The following MACF1 variants were observed in gnomAD, a reference collection of about 807,000 sequenced individuals.
MACF1 encodes the protein microtubule actin crosslinking factor 1.
MACF1 carries 193 observed loss-of-function variants against 854.8 expected under a neutral mutation model. That is an observed-to-expected ratio of 0.23 (90% confidence interval 0.20 to 0.25). MACF1 has a LOEUF of 0.25. Among genes scored for constraint, MACF1 ranks in the 10% least tolerant of loss-of-function variants. MACF1 has a pLI of 1.00. For missense variants in MACF1, 7,722 were observed against 8,929.1 expected (o/e 0.86, Z 5.45); for synonymous variants, 3,185 against 3,226.7 (o/e 0.99, Z 0.44).
At chr1:39,245,872 T>A (rs915856819) in intron 2 of MACF1, among the ~76,000 whole-genome samples, 1 of 152,232 alleles carries the variant, frequency 6.6e-6, no homozygotes, top group African/African-American at 2.4e-5. Context: ...ATGTCAAGTA[T>A]GTAATATTTT....
rs139578945 is a variant in MACF1 at position 39,225,217 on chromosome 1, C to CT, written c.110-5955dup. Among the ~76,000 whole-genome samples the CT allele has an allele frequency of 5.5e-4, 69 of 125,194 alleles. 5 individuals carry two copies. The highest frequency in any genetic ancestry group is 1.2e-3 in the Admixed American group (14 of 11,444). The allele number at this position is 125,194 out of a possible 152,430, so 82.1% of individuals were successfully genotyped here. ...AACAAATAGCAAATTTTTCTTTTTT[C>CT]TTTTTTTTTTGAGACGGAGTCTCGC... On this transcript the variant is annotated intron_variant, in intron 1 of 100. Transcript: ENST00000564288.
At chr1:39,355,789 G>A (rs975482860) in intron 44 of MACF1, among the ~76,000 whole-genome samples, 2 of 151,946 alleles carry the variant, frequency 1.3e-5, no homozygotes, top group Non-Finnish European at 2.9e-5. Context: ...AAGACATGAG[G>A]CCTCACTTTG....
intron 25 of MACF1, 150 bp downstream of exon 25, chr1:39,310,578 T>A: frequency 1.1e-6 from 1 of 903,050 alleles, no homozygotes; most frequent in Non-Finnish European, 1.6e-6. Context: ...AACTTATAGA[T>A]GAATTCTCAA....
At chr1:39,410,947 C>T in intron 58 of MACF1, 1 of 1,613,956 alleles carries the variant, frequency 6.2e-7, no homozygotes, top group Non-Finnish European at 8.5e-7. Context: ...CAGTGCAAAC[C>T]CTCCTCATGA....
chr1:39,398,353 G>A (rs544812944), intron 58 of MACF1, among the ~76,000 whole-genome samples: 7 of 152,038 alleles, frequency 4.6e-5, no homozygotes, highest in South Asian at 4.2e-4. Flanking sequence ...TGCCAAGGCC[G>A]GCCTTGAACT....
intron 58 of MACF1, among the ~76,000 whole-genome samples, chr1:39,390,544 G>A (rs1641990880): frequency 6.6e-6 from 1 of 152,204 alleles, no homozygotes; most frequent in Non-Finnish European, 1.5e-5. Context: ...ACCCAGATAA[G>A]GAAAGGGTAG....
intron 1 of MACF1, among the ~76,000 whole-genome samples, chr1:39,218,429 C>A (rs1644605195): frequency 6.6e-6 from 1 of 152,102 alleles, no homozygotes; most frequent in South Asian, 2.1e-4. Context: ...AAGTTATAGA[C>A]CTAGTTCTGC....
At chr1:39,203,531 TAC>T (rs1433798009), upstream of MACF1, among the ~76,000 whole-genome samples, 1 of 152,204 alleles carries the variant, frequency 6.6e-6, no homozygotes, top group Admixed American at 6.5e-5. Flanking sequence ...GACAAATGTA[TAC>T]AGTCATGGAA....
intron 61 of MACF1, 104 bp downstream of exon 61, chr1:39,424,298 G>T: frequency 1.1e-6 from 1 of 878,914 alleles, no homozygotes; most frequent in Non-Finnish European, 1.7e-6. Flanking sequence ...ATTTTTGGAA[G>T]GTGTTTAATG....
chr1:39,342,354 G>C (rs1646953002), intron 40 of MACF1, among the ~76,000 whole-genome samples: 1 of 151,984 alleles, frequency 6.6e-6, no homozygotes. Context: ...GTGCTGTACT[G>C]AACATACACA....
chr1:39,350,538 A>G (rs939044021), intron 42 of MACF1, among the ~76,000 whole-genome samples: 1 of 152,226 alleles, frequency 6.6e-6, no homozygotes, highest in Non-Finnish European at 1.5e-5. Context: ...AGGATAATGC[A>G]TTGCAAAATG....
chr1:39,428,099 A>G lies in MACF1; in HGVS notation c.16615A>G (p.Ser5539Gly). ...GATAGACTCATTGCAGGCCCGATAC[A>G]GTGAAATTCAAGACCGCTGTTGTCG... Reference protein sequence around the residue: ...EKIDSLQARYSEIQDRCCRKA... With the variant: ...EKIDSLQARYGEIQDRCCRKA... Residue 5539 changes from serine (S) to glycine (G), a missense_variant, in exon 63 of 101, where the codon AGT (serine) becomes GGT (glycine). This residue lies in a region of MACF1 where 2,807 missense variants were observed against 3,235.8 expected (regional missense o/e 0.87). Coordinates refer to ENST00000564288, the MANE Select transcript of MACF1 (RefSeq NM_001394062.1). 2.5e-6 allele frequency: 4 copies of G among 1,614,204 alleles called. No individual in the cohort carries two copies. Among genetic ancestry groups the G allele is most frequent in the Non-Finnish European group, 2.5e-6 (3 of 1,180,028 alleles).
chr1:39,237,467 A>G (rs932631117), intron 2 of MACF1, among the ~76,000 whole-genome samples: 8 of 152,246 alleles, frequency 5.3e-5, no homozygotes, highest in African/African-American at 1.9e-4. Context: ...TACCTTGAGT[A>G]ACTAATATTT....
intron 58 of MACF1, among the ~76,000 whole-genome samples, chr1:39,399,475 A>G (rs762415862): frequency 4.7e-5 from 7 of 148,988 alleles, no homozygotes; most frequent in South Asian, 4.2e-4. Flanking sequence ...CCCAGGTTCA[A>G]GCGATTCTCT....
intron 58 of MACF1, among the ~76,000 whole-genome samples, chr1:39,397,874 A>G (rs1642334863): frequency 6.6e-6 from 1 of 152,238 alleles, no homozygotes; most frequent in South Asian, 2.1e-4. Flanking sequence ...AGAGAATTAC[A>G]GTGGTACTGA....
chr1:39,161,313 G>T (rs1643794057), intron 2 of MACF1, among the ~76,000 whole-genome samples: 1 of 152,144 alleles, frequency 6.6e-6, no homozygotes, highest in Non-Finnish European at 1.5e-5. Context: ...AATTAGGGAA[G>T]CAGAGAGGTA....
intron 2 of MACF1, among the ~76,000 whole-genome samples, chr1:39,239,178 G>A (rs752212387): frequency 1.3e-5 from 2 of 152,200 alleles, no homozygotes; most frequent in Non-Finnish European, 2.9e-5. Flanking sequence ...CTATTTGGGA[G>A]GCTGAGGCAG....
In MACF1 at chr1:39,485,910, G is replaced by C; in HGVS notation, c.*116G>C. ...GTTAAAAGTGTAAAAGAATAATTGT[G>C]TTATGAAGCTGCCTTATTTTTTTTC... On this transcript the variant is annotated 3_prime_UTR_variant, in exon 101 of 101. Coordinates refer to ENST00000564288, the MANE Select transcript of MACF1 (RefSeq NM_001394062.1). 8.8e-7 allele frequency: 1 copy of C among 1,132,126 alleles called. No homozygotes were observed. The highest frequency in any genetic ancestry group is 3.1e-5 in the South Asian group (1 of 32,340). The allele number at this position is 1,132,126 out of a possible 1,614,324, so 70.1% of individuals were successfully genotyped here.
chr1:39,292,849 T>C lies in MACF1; in HGVS notation c.1992+6T>C. On this transcript the variant is annotated splice_donor_region_variant and intron_variant, in intron 17 of 100. Transcript: ENST00000564288. ...CACAGTATTGTAAATTGAAGGTGAGTTTCTGCCGATTCTCTTACATTCTGC... is the reference window on the plus strand; with the variant it reads ...CACAGTATTGTAAATTGAAGGTGAGCTTCTGCCGATTCTCTTACATTCTGC... 1 of 1,609,352 alleles carries C rather than the reference T, an allele frequency of 6.2e-7. No individual in the cohort carries two copies. Among genetic ancestry groups the C allele is most frequent in the Non-Finnish European group, 8.5e-7 (1 of 1,177,370 alleles).
Sources: gnomAD v4.1 joint callset for allele counts (sites outside exome capture counted in the v4.1 genomes callset) on GRCh38, gnomAD v4.1.1 for gene constraint, gnomAD v4.1.1 regional missense constraint, MANE v1.5 for transcripts, NCBI Gene and HGNC (gene_info 2026-07-23, HGNC 2026-07-21) for gene names.